The following RXRA variants were observed in gnomAD, a reference collection of about 807,000 sequenced individuals.
RXRA encodes the protein retinoid X receptor alpha.
Under a neutral mutation model 44.5 loss-of-function variants are expected in RXRA, and 5 were observed. The ratio of observed to expected loss-of-function variants is 0.11; its 90% confidence interval spans 0.06 to 0.24. The LOEUF is 0.24. RXRA is among the 10% of genes least tolerant of loss of function. The probability of loss-of-function intolerance (pLI) is 1.00; values close to 1 mark genes in which losing one functional copy is unlikely to be tolerated. For synonymous variants in RXRA, 291 were observed against 271.4 expected, an observed-to-expected ratio of 1.07 and a Z score of -0.71; for missense variants, 412 against 646.5, an observed-to-expected ratio of 0.64 and a Z score of 3.93.
rs576194187 is a variant in RXRA at position 134,331,249 on chromosome 9, G to A, written c.28+4590G>A. Among the ~76,000 whole-genome samples, 107 of 152,368 alleles carry A rather than the reference G, an allele frequency of 7.0e-4. 1 individual carries two copies. The highest frequency in any genetic ancestry group is 1.0e-3 in the Non-Finnish European group (70 of 68,038). On this transcript the variant is annotated intron_variant, in intron 1 of 9. Transcript: ENST00000481739. Reference sequence around the variant, plus strand: ...CCGAGCCTGGTGCGAGATGTTCTGAGCAGTTGTGCCCCAGCGCCTCACAGA... The same window carrying A: ...CCGAGCCTGGTGCGAGATGTTCTGAACAGTTGTGCCCCAGCGCCTCACAGA...
At chr9:134,427,235 T>C in intron 6 of RXRA, 2 of 931,888 alleles carry the variant, frequency 2.1e-6, no homozygotes, top group African/African-American at 3.6e-5. Context: ...GAAGCTGTTT[T>C]CGCGGCTGGC....
At chr9:134,422,516 G>A in intron 6 of RXRA, 2 of 1,191,664 alleles carry the variant, frequency 1.7e-6, no homozygotes, top group Non-Finnish European at 2.1e-6. Context: ...CCCTCTCCCG[G>A]GACACTCCCC....
At chr9:134,331,428 C>G (rs1835003967) in intron 1 of RXRA, among the ~76,000 whole-genome samples, 1 of 152,184 alleles carries the variant, frequency 6.6e-6, no homozygotes, top group South Asian at 2.1e-4. Flanking sequence ...TGTGCACGCT[C>G]ACTGTTGCAC....
chr9:134,409,297 C>T (rs1391597784), intron 4 of RXRA, among the ~76,000 whole-genome samples, 178 bp downstream of exon 4: 6 of 152,204 alleles, frequency 3.9e-5, no homozygotes, highest in African/African-American at 9.7e-5. Flanking sequence ...CGGCCCAGAG[C>T]GTGGGCACAC....
chr9:134,367,529 T>C (rs938296880), intron 1 of RXRA, among the ~76,000 whole-genome samples: 14 of 152,240 alleles, frequency 9.2e-5, no homozygotes, highest in Non-Finnish European at 2.1e-4. Flanking sequence ...TGAGGTTCAG[T>C]GGTCGAGGAG....
At chr9:134,415,707 C>G (rs1831222696) in intron 4 of RXRA, among the ~76,000 whole-genome samples, 2 of 152,162 alleles carry the variant, frequency 1.3e-5, no homozygotes, top group Non-Finnish European at 2.9e-5. Context: ...CTACCCAGCC[C>G]AGCACACTGG....
At position 134,349,726 on chromosome 9, in the gene RXRA, G is replaced by C. The variant is rs114259484; in HGVS notation, c.28+23067G>C. On this transcript the variant is annotated intron_variant, in intron 1 of 9. Transcript: ENST00000481739. The surrounding 1 kb of genome is among the most constrained non-coding windows in gnomAD (Gnocchi z 4.3). ...GCTGAATGCCTGTCTCCCTGGAGGC[G>C]CAGGGCTGTGCACAGGATTCCCCAG... Among the ~76,000 whole-genome samples the C allele has an allele frequency of 6.6e-6, 1 of 151,890 alleles. No homozygotes were observed. The highest frequency in any genetic ancestry group is 2.1e-4 in the South Asian group (1 of 4,824).
In RXRA at chr9:134,407,591, G is replaced by A. The variant is rs964305030; in HGVS notation, c.280-558G>A. On this transcript the variant is annotated intron_variant, in intron 2 of 9. Transcript: ENST00000481739. The surrounding 1 kb of genome is among the most constrained non-coding windows in gnomAD (Gnocchi z 4.8). ...AGTGGTGTCGTGCCACCCGATGCCC[G>A]GGGGTGTCCACTCCCCTCTCCTGGG... 1.1e-4 allele frequency among the ~76,000 whole-genome samples: 17 copies of A among 152,132 alleles called. No homozygotes were observed. The highest frequency in any genetic ancestry group is 1.5e-4 in the Non-Finnish European group (10 of 68,004).
intron 1 of RXRA, among the ~76,000 whole-genome samples, chr9:134,344,921 C>A (rs1207938527): frequency 6.6e-6 from 1 of 152,218 alleles, no homozygotes; most frequent in East Asian, 1.9e-4. Context: ...GGTGTGGACC[C>A]AGCAGAGTTG....
intron 1 of RXRA, among the ~76,000 whole-genome samples, 200 bp downstream of exon 1, chr9:134,326,859 G>A (rs1834922042): frequency 6.8e-6 from 1 of 146,726 alleles, no homozygotes; most frequent in African/African-American, 2.5e-5. Flanking sequence ...GGGCCGGGGC[G>A]GGGCTGGGCA....
intron 1 of RXRA, among the ~76,000 whole-genome samples, chr9:134,378,558 CCT>C (rs1830593670): frequency 6.6e-6 from 1 of 152,202 alleles, no homozygotes; most frequent in African/African-American, 2.4e-5. Flanking sequence ...GGCTGTGGCC[CCT>C]GTCACCTGTC....
At chr9:134,415,526 C>G (rs749173997) in intron 4 of RXRA, among the ~76,000 whole-genome samples, 1 of 152,102 alleles carries the variant, frequency 6.6e-6, no homozygotes, top group African/African-American at 2.4e-5. Flanking sequence ...TGTGAGTACC[C>G]CAGGTGTTCT....
rs185008920 is a variant in RXRA, at chr9:134,384,190, G to A, written c.29-17442G>A. Reference sequence around the variant, plus strand: ...GACCCTCCTCAGTGTCACCCCGGTTGGGGGGGAGTCCTGGACCCTCCATAC... The same window carrying A: ...GACCCTCCTCAGTGTCACCCCGGTTAGGGGGGAGTCCTGGACCCTCCATAC... On this transcript the variant is annotated intron_variant, in intron 1 of 9. Coordinates refer to ENST00000481739, the MANE Select transcript of RXRA (RefSeq NM_002957.6). 4.1e-4 allele frequency among the ~76,000 whole-genome samples: 62 copies of A among 151,802 alleles called. 1 individual carries two copies. The highest frequency in any genetic ancestry group is 8.0e-4 in the Non-Finnish European group (54 of 67,852).
Position 134,424,117 on chromosome 9 carries a change from G to A in RXRA, c.910+2312G>A, listed in dbSNP as rs1048753090. 34 of 980,926 alleles carry A rather than the reference G, an allele frequency of 3.5e-5. No homozygotes were observed. The African/African-American group carries it at 5.8e-4, about 17-fold the overall frequency. 60.8% of individuals were successfully genotyped at this position (980,926 alleles called of 1,614,324 possible). A position where few individuals can be genotyped will look rare whatever the true frequency, so the allele number is the denominator to read the frequency against. On this transcript the variant is annotated intron_variant, in intron 6 of 9. Transcript: ENST00000481739. Reference sequence around the variant, plus strand: ...GGAGTGCGGTGCTGAGGGCCTGCGTGGGGTGGTCGTGGTGGAGTGCAGTGC... The same window carrying A: ...GGAGTGCGGTGCTGAGGGCCTGCGTAGGGTGGTCGTGGTGGAGTGCAGTGC...
At chr9:134,420,702 C>T (rs944511305) in intron 5 of RXRA, among the ~76,000 whole-genome samples, 3 of 152,262 alleles carry the variant, frequency 2.0e-5, no homozygotes, top group Non-Finnish European at 2.9e-5. Context: ...TATTCACAGT[C>T]GTTATTCCTG....
At chr9:134,347,556 G>C (rs1176331802) in intron 1 of RXRA, among the ~76,000 whole-genome samples, 1 of 152,220 alleles carries the variant, frequency 6.6e-6, no homozygotes, top group African/African-American at 2.4e-5. Flanking sequence ...GGAGCACAAG[G>C]CTGGGGGAGG....
At chr9:134,350,978 G>T (rs985572653) in intron 1 of RXRA, among the ~76,000 whole-genome samples, 6 of 152,238 alleles carry the variant, frequency 3.9e-5, no homozygotes, top group South Asian at 2.1e-4. Context: ...CCTCAGCAAG[G>T]GGGGGCTGAG....
rs936611176 is a variant in RXRA at position 134,407,761 on chromosome 9, A to G, written c.280-388A>G. Reference sequence around the variant, plus strand: ...ACCCCCCAGAGTGCCTGCCTCATGGAGTGTCCGGGGGCACCCAGCGGGGCT... The same window carrying G: ...ACCCCCCAGAGTGCCTGCCTCATGGGGTGTCCGGGGGCACCCAGCGGGGCT... On this transcript the variant is annotated intron_variant, in intron 2 of 9. Transcript: ENST00000481739. The surrounding 1 kb of genome is among the most constrained non-coding windows in gnomAD (Gnocchi z 4.8). 2.0e-5 allele frequency among the ~76,000 whole-genome samples: 3 copies of G among 151,832 alleles called. No individual in the cohort carries two copies. Among genetic ancestry groups the G allele is most frequent in the Non-Finnish European group, 4.4e-5 (3 of 67,928 alleles).
chr9:134,344,701 ACGC>A (rs1312880189), intron 1 of RXRA, among the ~76,000 whole-genome samples: 1 of 152,008 alleles, frequency 6.6e-6, no homozygotes, highest in Non-Finnish European at 1.5e-5. Context: ...CTGGCCACGG[ACGC>A]CCCTTCATCC....
Sources: gnomAD v4.1 joint callset for allele counts (sites outside exome capture counted in the v4.1 genomes callset) on GRCh38, gnomAD v4.1.1 for gene constraint, Gnocchi (gnomAD v3.1) non-coding constraint, MANE v1.5 for transcripts, NCBI Gene and HGNC (gene_info 2026-07-23, HGNC 2026-07-21) for gene names.